The following FAM168A variants were observed in gnomAD, a reference collection of about 807,000 sequenced individuals.
The protein encoded by FAM168A is family with sequence similarity 168 member A.
FAM168A carries 3 observed loss-of-function variants against 28.5 expected under a neutral mutation model. The ratio of observed to expected loss-of-function variants is 0.11; its 90% CI spans 0.05 to 0.27. FAM168A has a LOEUF of 0.27. Ranked by LOEUF, FAM168A falls within the 10% of genes least tolerant of loss-of-function variation. FAM168A has a pLI of 1.00. For synonymous variants in FAM168A, 122 were observed against 124.2 expected (o/e 0.98, Z 0.12); for missense variants, 222 against 311.5 (o/e 0.71, Z 2.16).
chr11:73,445,790 A>G (rs145035515), intron 2 of FAM168A, among the ~76,000 whole-genome samples: 1 of 152,332 alleles, frequency 6.6e-6, no homozygotes, highest in East Asian at 1.9e-4. Flanking sequence ...TTAGGTTACT[A>G]TATGACCTGG....
intron 1 of FAM168A, among the ~76,000 whole-genome samples, chr11:73,484,167 G>A (rs541259410): frequency 1.3e-5 from 2 of 152,052 alleles, no homozygotes; most frequent in African/African-American, 4.8e-5. Context: ...TACAGAGTAC[G>A]TTATATACCA....
chr11:73,488,426 C>G (rs2134604641), intron 1 of FAM168A, among the ~76,000 whole-genome samples: 1 of 152,278 alleles, frequency 6.6e-6, no homozygotes, highest in African/African-American at 2.4e-5. Context: ...CCACTGTGCC[C>G]AGCCTCATGT....
rs374865567 is a variant in FAM168A at position 73,449,471 on chromosome 11, C to T, written c.71-18701G>A. Among the ~76,000 whole-genome samples, 4 of 152,306 alleles carry T rather than the reference C, an allele frequency of 2.6e-5. No homozygotes were observed. In the East Asian group the frequency reaches 5.8e-4, roughly 22 times the overall value. ...AATAACTATAATAATATGAATCACT[C>T]GGCCTACCTTCTTAAGGCTCCAAGC... On this transcript the variant is annotated intron_variant, in intron 2 of 7. Coordinates refer to ENST00000356467, the MANE Select transcript of FAM168A (RefSeq NM_015159.3).
At chr11:73,433,827 C>G (rs963202063) in intron 2 of FAM168A, among the ~76,000 whole-genome samples, 2 of 142,702 alleles carry the variant, frequency 1.4e-5, no homozygotes, top group Non-Finnish European at 3.0e-5. Context: ...ATCTCTAGGT[C>G]AAAGGGTAGG....
chr11:73,530,357 A>T (rs1943501882), intron 1 of FAM168A, among the ~76,000 whole-genome samples: 1 of 152,164 alleles, frequency 6.6e-6, no homozygotes. Flanking sequence ...GGTTCTGCCG[A>T]TAGAGGGTGC....
At chr11:73,485,241 A>C (rs1747326870) in intron 1 of FAM168A, among the ~76,000 whole-genome samples, 2 of 152,168 alleles carry the variant, frequency 1.3e-5, no homozygotes, top group African/African-American at 4.8e-5. Flanking sequence ...AAAAGTAGTA[A>C]TTTCTTACTA....
chr11:73,418,110 T>C (rs1173828232), intron 4 of FAM168A, among the ~76,000 whole-genome samples: 2 of 152,234 alleles, frequency 1.3e-5, no homozygotes, highest in Non-Finnish European at 2.9e-5. Flanking sequence ...TTACGTTGTA[T>C]AAACATAAAC....
chr11:73,499,896 T>C (rs1854971387), intron 1 of FAM168A, among the ~76,000 whole-genome samples: 5 of 151,886 alleles, frequency 3.3e-5, no homozygotes, highest in Admixed American at 3.3e-4. Flanking sequence ...AAACCTACGG[T>C]TGACTGGAGT....
chr11:73,546,150 A>G (rs1943749044), intron 1 of FAM168A, among the ~76,000 whole-genome samples: 1 of 152,210 alleles, frequency 6.6e-6, no homozygotes, highest in South Asian at 2.1e-4. Flanking sequence ...ACACAGATTG[A>G]CAACCACAGA....
At chr11:73,556,403 TTAATAA>T (rs942853179) in intron 1 of FAM168A, among the ~76,000 whole-genome samples, 10 of 148,794 alleles carry the variant, frequency 6.7e-5, no homozygotes, top group African/African-American at 2.5e-4. Context: ...CACTAGCAAA[TTAATAA>T]TAATAATAAT....
At chr11:73,427,582 TA>T (rs1380373955) in intron 3 of FAM168A, among the ~76,000 whole-genome samples, 1 of 152,178 alleles carries the variant, frequency 6.6e-6, no homozygotes, top group Non-Finnish European at 1.5e-5. Flanking sequence ...GCTAATTATG[TA>T]ACTTCTCTAA....
intron 2 of FAM168A, among the ~76,000 whole-genome samples, chr11:73,457,704 G>A (rs150307829): frequency 8.2e-6 from 1 of 122,458 alleles, no homozygotes; most frequent in Non-Finnish European, 1.6e-5. Context: ...ATTGTGCTAC[G>A]GTACTCTAGC....
rs1253454427 is a variant in FAM168A, at chr11:73,477,921, G to GTAGACAGA, written c.-18-9430_-18-9429insTCTGTCTA. 1.4e-3 allele frequency among the ~76,000 whole-genome samples: 207 copies of GTAGACAGA among 147,312 alleles called. 1 individual carries two copies. The highest frequency in any genetic ancestry group is 4.4e-3 in the African/African-American group (169 of 38,700). ...TAAAGAGCACCAGGAAAGCTGATAT[G>GTAGACAGA]TAGATAGATAGATAGATAGATAGAT... is the stretch of plus-strand genomic sequence containing the variant. On this transcript the variant is annotated intron_variant, in intron 1 of 7. Coordinates refer to ENST00000356467, the MANE Select transcript of FAM168A (RefSeq NM_015159.3).
intron 6 of FAM168A, 45 bp from the exon 7 acceptor site, chr11:73,407,688 G>C: frequency 2.7e-6 from 4 of 1,501,092 alleles, no homozygotes; most frequent in Non-Finnish European, 3.7e-6. Flanking sequence ...GGCTGCACCA[G>C]ACACAGGAAT....
chr11:73,482,744 GT>G (rs1294304480), intron 1 of FAM168A, among the ~76,000 whole-genome samples: 3 of 151,800 alleles, frequency 2.0e-5, no homozygotes, highest in Non-Finnish European at 4.4e-5. Flanking sequence ...GTGTTGTTTT[GT>G]TTTTTTCTTT....
chr11:73,517,699 T>C (rs1477489439), intron 1 of FAM168A, among the ~76,000 whole-genome samples: 1 of 152,220 alleles, frequency 6.6e-6, no homozygotes, highest in Non-Finnish European at 1.5e-5. Context: ...CAACCTTGTT[T>C]ATACTATACG....
At chr11:73,517,372 C>A (rs980119373) in intron 1 of FAM168A, among the ~76,000 whole-genome samples, 5 of 152,118 alleles carry the variant, frequency 3.3e-5, no homozygotes, top group Middle Eastern at 6.8e-3. Flanking sequence ...TAAATCATCT[C>A]CCCCATCCCA....
intron 1 of FAM168A, among the ~76,000 whole-genome samples, chr11:73,587,197 A>T (rs1329752387): frequency 6.6e-6 from 1 of 150,452 alleles, no homozygotes; most frequent in Non-Finnish European, 1.5e-5. Flanking sequence ...CAGTTTCATT[A>T]AAGAATGTTC....
intron 1 of FAM168A, among the ~76,000 whole-genome samples, chr11:73,482,290 G>A (rs1241656513): frequency 6.7e-6 from 1 of 149,106 alleles, no homozygotes; most frequent in Admixed American, 6.8e-5. Flanking sequence ...ACAGGGCTCT[G>A]AGCAAAACCC....
Sources: gnomAD v4.1 joint callset for allele counts (sites outside exome capture counted in the v4.1 genomes callset) on GRCh38, gnomAD v4.1.1 for gene constraint, MANE v1.5 for transcripts, NCBI Gene and HGNC (gene_info 2026-07-23, HGNC 2026-07-21) for gene names.